The following SAMD12 variants were observed in gnomAD, a reference collection of about 807,000 sequenced individuals.
SAMD12 encodes the protein sterile alpha motif domain-containing protein 12.
SAMD12 carries 9 observed loss-of-function variants against 15.0 expected under a neutral mutation model. That is an observed-to-expected ratio of 0.60 (90% CI 0.36 to 1.05). The LOEUF is 1.05. SAMD12 is among the 50% of genes least tolerant of loss of function. SAMD12 has a pLI of 0.01. For synonymous variants in SAMD12, 86 were observed against 90.1 expected (o/e 0.96, Z 0.25); for missense variants, 230 against 234.2 (o/e 0.98, Z 0.12).
chr8:118,320,908 T>C (rs1374106215), intron 4 of SAMD12, among the ~76,000 whole-genome samples: 1 of 148,816 alleles, frequency 6.7e-6, no homozygotes, highest in Non-Finnish European at 1.5e-5. Flanking sequence ...TAATACCATA[T>C]TTGGAAGTAG....
intron 1 of SAMD12, among the ~76,000 whole-genome samples, chr8:118,600,685 G>C (rs926994032): frequency 5.3e-5 from 8 of 152,076 alleles, no homozygotes; most frequent in Non-Finnish European, 7.4e-5. Context: ...AATATTACTA[G>C]ACATCAATAA....
chr8:118,538,708 A>C (rs1182098990), intron 2 of SAMD12, among the ~76,000 whole-genome samples: 1 of 152,196 alleles, frequency 6.6e-6, no homozygotes, highest in Non-Finnish European at 1.5e-5. Context: ...ATATAAAGTC[A>C]AAACCAGGTA....
chr8:118,161,698 A>C, the SAMD12 span, among the ~76,000 whole-genome samples: 2 of 101,438 alleles, frequency 2.0e-5, no homozygotes, highest in Non-Finnish European at 4.7e-5. Context: ...CTCAATATTA[A>C]TAATAAATTA....
At chr8:118,575,837 T>C (rs1827133112) in intron 2 of SAMD12, among the ~76,000 whole-genome samples, 1 of 152,228 alleles carries the variant, frequency 6.6e-6, no homozygotes. Context: ...TTTAGGCCAC[T>C]TGTGAGGACA....
At chr8:118,282,330 G>C (rs771951107) in intron 4 of SAMD12, 9 of 456,256 alleles carry the variant, frequency 2.0e-5, no homozygotes, top group Admixed American at 9.4e-5. Context: ...TGGGGCTCAA[G>C]GTAGGTAAAG....
Position 118,366,262 on chromosome 8 carries a change from T to C in SAMD12, c.433+13298A>G, listed in dbSNP as rs530138172. ...GAGGTCACTTTTCCTTGTAACCTTT[T>C]CTGACACATTTCTTCTAGACTGGAT... On this transcript the variant is annotated intron_variant, in intron 4 of 4. Coordinates refer to the SAMD12 transcript ENST00000409003. Among the ~76,000 whole-genome samples the C allele has an allele frequency of 5.9e-5, 9 of 152,328 alleles. No individual in the cohort carries two copies. In the South Asian group the frequency reaches 1.9e-3, roughly 32 times the overall value.
intron 2 of SAMD12, among the ~76,000 whole-genome samples, chr8:118,489,885 A>G (rs1165182830): frequency 1.3e-5 from 2 of 152,072 alleles, no homozygotes; most frequent in African/African-American, 4.8e-5. Context: ...TATTACTAGG[A>G]TATTGAGATC....
At chr8:118,453,452 G>T (rs1191453012) in intron 2 of SAMD12, among the ~76,000 whole-genome samples, 1 of 151,932 alleles carries the variant, frequency 6.6e-6, no homozygotes, top group African/African-American at 2.4e-5. Flanking sequence ...GCCAGCAGTT[G>T]CTTAAATTCA....
chr8:118,265,864 C>A (rs1023583270), intron 4 of SAMD12, among the ~76,000 whole-genome samples: 1 of 151,812 alleles, frequency 6.6e-6, no homozygotes, highest in South Asian at 2.1e-4. Context: ...AGGTGAAGAA[C>A]CATAGGGCTG....
intron 3 of SAMD12, among the ~76,000 whole-genome samples, chr8:118,405,107 A>T (rs376516992): frequency 5.3e-5 from 8 of 152,232 alleles, no homozygotes; most frequent in African/African-American, 1.9e-4. Flanking sequence ...CCAAGTGTTG[A>T]CAAGGATGTG....
Position 118,591,671 on chromosome 8 carries a change from A to G in SAMD12, c.14-10778T>C, listed in dbSNP as rs73319365. On this transcript the variant is annotated intron_variant, in intron 1 of 3. Transcript: ENST00000314727. ...CAAACTAAAGTATAATTCAGTAGGAAGACAAGAAGGAAAAAAGAACAGCTT... is the reference window on the plus strand; with the variant it reads ...CAAACTAAAGTATAATTCAGTAGGAGGACAAGAAGGAAAAAAGAACAGCTT... 8.9e-3 allele frequency among the ~76,000 whole-genome samples: 1,350 copies of G among 152,330 alleles called. 25 individuals are homozygous for G. The highest frequency in any genetic ancestry group is 0.03 in the African/African-American group (1,255 of 41,574).
chr8:118,610,736 G>A (rs1318838875), intron 1 of SAMD12, among the ~76,000 whole-genome samples: 1 of 152,178 alleles, frequency 6.6e-6, no homozygotes, highest in African/African-American at 2.4e-5. Context: ...TGTGCTCATG[G>A]ACCAGAGATT....
chr8:118,163,873 TCAAAC>T, the SAMD12 span, among the ~76,000 whole-genome samples: 26 of 103,730 alleles, frequency 2.5e-4, no homozygotes, highest in Non-Finnish European at 4.1e-4. Context: ...AGACTCCGTC[TCAAAC>T]AAAACAAAAC....
At chr8:118,570,733 T>A (rs972181821) in intron 2 of SAMD12, among the ~76,000 whole-genome samples, 1 of 152,208 alleles carries the variant, frequency 6.6e-6, no homozygotes. Flanking sequence ...GTTATGAGAT[T>A]CCCGGGTCAT....
At chr8:118,396,124 T>C (rs1452414165) in intron 3 of SAMD12, among the ~76,000 whole-genome samples, 1 of 152,134 alleles carries the variant, frequency 6.6e-6, no homozygotes, top group African/African-American at 2.4e-5. Flanking sequence ...TTGTTTCGTG[T>C]GAGTAAAGAG....
chr8:118,292,504 TATCTGAGGAC>T (rs1435322976), intron 4 of SAMD12, among the ~76,000 whole-genome samples: 1 of 152,138 alleles, frequency 6.6e-6, no homozygotes, highest in Admixed American at 6.5e-5. Context: ...TTCATTCCAT[TATCTGAGGAC>T]TAGAAATACC....
At chr8:118,441,969 C>T (rs1479928360) in intron 2 of SAMD12, among the ~76,000 whole-genome samples, 3 of 152,134 alleles carry the variant, frequency 2.0e-5, no homozygotes, top group African/African-American at 7.2e-5. Flanking sequence ...TCACCAACCA[C>T]CAGACAAATG....
chr8:118,280,186 A>C (rs1167299114), intron 4 of SAMD12, among the ~76,000 whole-genome samples: 1 of 152,262 alleles, frequency 6.6e-6, no homozygotes, highest in Admixed American at 6.5e-5. Context: ...TAGCTGACCA[A>C]GGAATTCCAA....
chr8:118,483,782 C>T (rs1013959113), intron 2 of SAMD12, among the ~76,000 whole-genome samples: 3 of 152,106 alleles, frequency 2.0e-5, no homozygotes, highest in African/African-American at 7.2e-5. Context: ...ACTATTTGTG[C>T]TTTAATTTTT....
Sources: allele counts gnomAD v4.1 joint callset (sites outside exome capture counted in the v4.1 genomes callset), GRCh38; gene constraint gnomAD v4.1.1; transcripts MANE v1.5; gene names NCBI Gene and HGNC (gene_info 2026-07-23, HGNC 2026-07-21).